MCF2L: variants seen among roughly 807,000 people sequenced by gnomAD.
The protein encoded by MCF2L is MCF.2 cell line derived transforming sequence like.
A neutral mutation model predicts 153.4 loss-of-function variants in MCF2L; 97 were observed. That is an observed-to-expected ratio of 0.63 (90% CI 0.54 to 0.75). The LOEUF (loss-of-function observed/expected upper bound fraction) is 0.75. MCF2L is among the 30% of genes least tolerant of loss of function. The pLI, the probability that MCF2L is intolerant of heterozygous loss-of-function variation, is 0.00. For synonymous variants in MCF2L, 659 were observed against 632.2 expected (o/e 1.04, Z -0.64); for missense variants, 1,347 against 1,495.2 (o/e 0.90, Z 1.64).
chr13:113,090,207 TG>T, intron 26 of MCF2L: 12 of 1,483,390 alleles, frequency 8.1e-6, no homozygotes, highest in Non-Finnish European at 1.1e-5. Context: ...TGGTGGCGTC[TG>T]TCATGCATCG....
At chr13:112,902,166 C>T (rs751329917) in intron 1 of MCF2L, 56 of 1,575,166 alleles carry the variant, frequency 3.6e-5, no homozygotes, top group Middle Eastern at 1.7e-4. Flanking sequence ...TGCAGCATGA[C>T]CTCATCGTGC....
At chr13:112,975,054 G>A (rs970079047) in intron 1 of MCF2L, among the ~76,000 whole-genome samples, 5 of 152,220 alleles carry the variant, frequency 3.3e-5, no homozygotes, top group Non-Finnish European at 5.9e-5. Context: ...GGATACCACT[G>A]TAAGTAGTAT....
intron 1 of MCF2L, among the ~76,000 whole-genome samples, chr13:112,989,782 C>A (rs1382390643): frequency 1.3e-5 from 2 of 152,236 alleles, no homozygotes; most frequent in Admixed American, 1.3e-4. Flanking sequence ...TTCAGTGATG[C>A]TTTCTTTTCT....
intron 9 of MCF2L, among the ~76,000 whole-genome samples, chr13:113,073,675 G>T (rs976661776): frequency 1.3e-5 from 2 of 152,244 alleles, no homozygotes; most frequent in South Asian, 4.1e-4. Flanking sequence ...AGCACTGTGG[G>T]AGGCCAAGAC....
At chr13:113,011,772 G>A (rs1327376973) in intron 1 of MCF2L, among the ~76,000 whole-genome samples, 1 of 131,606 alleles carries the variant, frequency 7.6e-6, no homozygotes, top group East Asian at 2.8e-4. Context: ...GACAGGCGGT[G>A]TGGACGGTGG....
rs755968688 is a variant in MCF2L at position 113,064,533 on chromosome 13, G to A, written c.606+113G>A. 6 of 692,890 alleles carry A rather than the reference G, an allele frequency of 8.7e-6. No individual in the cohort carries two copies. The highest frequency in any genetic ancestry group is 1.5e-5 in the Non-Finnish European group (6 of 391,518). The allele number at this position is 692,890 out of a possible 1,614,324, so 42.9% of individuals were successfully genotyped here. Reference sequence around the variant, plus strand: ...CAAAAACACATTCACATTAACAGTCGTTTTCTTTCCCAAGAATGAGGAGAT... The same window carrying A: ...CAAAAACACATTCACATTAACAGTCATTTTCTTTCCCAAGAATGAGGAGAT... On this transcript the variant is annotated intron_variant, in intron 6 of 29. Transcript: ENST00000535094. The surrounding 1 kb of genome is among the most constrained non-coding windows in gnomAD (Gnocchi z 6.0).
At chr13:112,925,973 A>G (rs1415835378) in intron 2 of MCF2L, among the ~76,000 whole-genome samples, 1 of 152,260 alleles carries the variant, frequency 6.6e-6, no homozygotes, top group Non-Finnish European at 1.5e-5. Context: ...TAAAGTAAAG[A>G]ATAGCATAAT....
chr13:112,957,621 A>G (rs2081774827), intron 2 of MCF2L: 2 of 151,758 alleles, frequency 1.3e-5, no homozygotes, highest in Admixed American at 1.3e-4. Context: ...TTTTTGTTTT[A>G]TTGATTTTTT....
intron 1 of MCF2L, among the ~76,000 whole-genome samples, chr13:112,897,882 G>A (rs1248761448): frequency 6.6e-6 from 1 of 152,182 alleles, no homozygotes; most frequent in Non-Finnish European, 1.5e-5. Context: ...GCAGTCAGGG[G>A]TGTCGGCCTG....
chr13:113,041,875 G>A lies in MCF2L; in HGVS notation c.279-3396G>A, dbSNP rs543134228. On this transcript the variant is annotated intron_variant, in intron 3 of 29. Coordinates refer to ENST00000535094, the MANE Select transcript of MCF2L (RefSeq NM_001112732.3). Reference sequence around the variant, plus strand: ...ACATTAGGAGGCCGCCAGGGTGGACGTGGCCTTAGGGGCAGCACACGTGGT... The same window carrying A: ...ACATTAGGAGGCCGCCAGGGTGGACATGGCCTTAGGGGCAGCACACGTGGT... Among the ~76,000 whole-genome samples the A allele has an allele frequency of 1.4e-4, 22 of 152,242 alleles. No individual in the cohort carries two copies. The South Asian group carries it at 4.1e-3, about 29-fold the overall frequency.
At position 112,959,403 on chromosome 13, in the gene MCF2L, G is replaced by A. The variant is rs149853356; in HGVS notation, c.170-55360G>A. ...GGGTCCTTTGTTTCAGAACAAGCGC[G>A]TTCTCCTTACTCTCTGGCACGGCCT... On this transcript the variant is annotated intron_variant, in intron 2 of 29. Coordinates refer to the MCF2L transcript ENST00000375608. 1.4e-3 allele frequency among the ~76,000 whole-genome samples: 207 copies of A among 152,130 alleles called. 1 individual carries two copies. The highest frequency in any genetic ancestry group is 1.9e-3 in the Non-Finnish European group (128 of 68,008).
chr13:112,964,560 T>C (rs530666522), upstream of MCF2L, among the ~76,000 whole-genome samples: 2 of 152,358 alleles, frequency 1.3e-5, no homozygotes, highest in South Asian at 2.1e-4. Flanking sequence ...GTATCTCTAC[T>C]TGTAGGAAAT....
chr13:113,015,465 C>T (rs1016042031), intron 2 of MCF2L, among the ~76,000 whole-genome samples: 1 of 152,118 alleles, frequency 6.6e-6, no homozygotes, highest in Non-Finnish European at 1.5e-5. Context: ...GAGGGTGCCC[C>T]GATGCCGAGG....
chr13:112,947,528 T>G (rs2081650192), intron 2 of MCF2L, among the ~76,000 whole-genome samples: 1 of 152,194 alleles, frequency 6.6e-6, no homozygotes, highest in Non-Finnish European at 1.5e-5. Context: ...GGACAGACAT[T>G]TCCCTTCCAA....
intron 1 of MCF2L, among the ~76,000 whole-genome samples, chr13:112,997,958 C>T (rs2083207355): frequency 6.6e-6 from 1 of 152,220 alleles, no homozygotes; most frequent in Admixed American, 6.5e-5. Flanking sequence ...GCTGGGCCTG[C>T]CCGCAGCAGC....
chr13:113,096,720 T>C (rs1156796858), intron 29 of MCF2L, 54 bp from the exon 30 acceptor site: 12 of 1,554,506 alleles, frequency 7.7e-6, no homozygotes, highest in Admixed American at 3.7e-5. Flanking sequence ...AGCTGCCCCG[T>C]GTGTGCCCGG....
rs935859377 is a variant in MCF2L, at chr13:113,064,789, C to G, written c.607-147C>G. Reference sequence around the variant, plus strand: ...TGAAGAGGTCAAGGAGGGCAGGACGCTATGGGAGGGCGTTCACCGTCTTTG... The same window carrying G: ...TGAAGAGGTCAAGGAGGGCAGGACGGTATGGGAGGGCGTTCACCGTCTTTG... On this transcript the variant is annotated intron_variant, in intron 6 of 29. Coordinates refer to ENST00000535094, the MANE Select transcript of MCF2L (RefSeq NM_001112732.3). The surrounding 1 kb of genome is among the most constrained non-coding windows in gnomAD (Gnocchi z 6.0). 1.2e-6 allele frequency: 1 copy of G among 804,066 alleles called. No individual in the cohort carries two copies. Among genetic ancestry groups the G allele is most frequent in the Non-Finnish European group, 1.9e-6 (1 of 515,858 alleles). The allele number at this position is 804,066 out of a possible 1,614,324, so 49.8% of individuals were successfully genotyped here.
At chr13:112,955,254 G>A (rs896143430) in intron 2 of MCF2L, among the ~76,000 whole-genome samples, 2 of 151,254 alleles carry the variant, frequency 1.3e-5, no homozygotes, top group African/African-American at 4.9e-5. Flanking sequence ...ACCTGCATCA[G>A]AGCAGGATGA....
At position 112,898,358 on chromosome 13, in the gene MCF2L, G is replaced by A. The variant is rs554251457; in HGVS notation, c.-4-3841G>A. On this transcript the variant is annotated intron_variant, in intron 1 of 29. Transcript: ENST00000375608. ...GCTGGTTGCGGGGCGTGAGGTGGGC[G>A]CGTGTTTGTTTTGTTCGCTTGGAAC... Among the ~76,000 whole-genome samples the A allele has an allele frequency of 5.3e-5, 8 of 152,312 alleles. No homozygotes were observed. In the East Asian group the frequency reaches 1.5e-3, roughly 29 times the overall value.
Sources: gnomAD v4.1 joint callset for allele counts (sites outside exome capture counted in the v4.1 genomes callset) on GRCh38, gnomAD v4.1.1 for gene constraint, Gnocchi (gnomAD v3.1) non-coding constraint, MANE v1.5 for transcripts, NCBI Gene and HGNC (gene_info 2026-07-23, HGNC 2026-07-21) for gene names.